DNAH17: variants seen among roughly 807,000 people sequenced by gnomAD.
The protein encoded by DNAH17 is axonemal beta dynein heavy chain 17.
Under a neutral mutation model 485.6 loss-of-function variants are expected in DNAH17, and 376 were observed. The ratio of observed to expected loss-of-function variants is 0.77; its 90% CI spans 0.71 to 0.84. The LOEUF (loss-of-function observed/expected upper bound fraction) is 0.84. DNAH17 is among the 40% of genes least tolerant of loss of function. DNAH17 has a pLI of 0.00. For missense variants in DNAH17, 6,370 were observed against 5,839.3 expected (o/e 1.09, Z -2.96); for synonymous variants, 3,031 against 2,405.9 (o/e 1.26, Z -7.60).
At chr17:78,497,068 T>C (rs1016659849) in intron 37 of DNAH17, 1 of 152,190 alleles carries the variant, frequency 6.6e-6, no homozygotes, top group African/African-American at 2.4e-5. Context: ...CCCTGCTGAG[T>C]TGGGTTCCAC....
chr17:78,446,589 T>G (rs2087312222), intron 69 of DNAH17, among the ~76,000 whole-genome samples: 2 of 152,126 alleles, frequency 1.3e-5, no homozygotes, highest in African/African-American at 4.8e-5. Context: ...GCGGGTCGTT[T>G]TGGCTGTTGT....
Position 78,451,592 on chromosome 17 carries a change from G to C in DNAH17, c.10611C>G (p.His3537Gln). 6.2e-7 allele frequency: 1 copy of C among 1,612,800 alleles called. No individual in the cohort carries two copies. The highest frequency in any genetic ancestry group is 1.3e-5 in the African/African-American group (1 of 74,940). ...ACTGAGCCTGCATCTCTGGCTTGTA[G>C]TGTGGGTTGAAGTACTTGGTGTGTA... ...LILHTKYFNPHYKPEMQAQCT... is the reference protein window; with the variant it reads ...LILHTKYFNPQYKPEMQAQCT... Residue 3537 changes from histidine to glutamine, a missense_variant, in exon 66 of 81, where the codon CAC becomes CAG. His to Gln is a conservative substitution (Grantham distance 24). Transcript: ENST00000389840.
intron 54 of DNAH17, 90 bp from the exon 55 acceptor site, chr17:78,468,973 T>A: frequency 6.8e-7 from 1 of 1,472,792 alleles, no homozygotes; most frequent in Non-Finnish European, 9.0e-7. Flanking sequence ...ACAGGGCCAT[T>A]TTTTCTTTGA....
At chr17:78,481,371 G>A (rs1301662015) in intron 48 of DNAH17, among the ~76,000 whole-genome samples, 1 of 152,044 alleles carries the variant, frequency 6.6e-6, no homozygotes, top group African/African-American at 2.4e-5. Flanking sequence ...CCAAATGCTG[G>A]GATTACTCCA....
chr17:78,525,307 G>C, intron 24 of DNAH17, 146 bp from the exon 25 acceptor site: 1 of 1,260,976 alleles, frequency 7.9e-7, no homozygotes, highest in African/African-American at 1.5e-5. Flanking sequence ...GTCCCACCTG[G>C]AGGGAGGACA....
chr17:78,542,144 CTTT>C (rs375269334), intron 17 of DNAH17, among the ~76,000 whole-genome samples: 95,153 of 130,704 alleles, frequency 0.73, 34,324 homozygotes, highest in Non-Finnish European at 0.75. Context: ...CCCTAAAATA[CTTT>C]TTTTTTTTTT....
In DNAH17 at chr17:78,454,628, G is replaced by C; in HGVS notation, c.10248C>G (p.Asn3416Lys). ...ACATGCGGTCGCTGGGGAGGCCCTG[G>C]TTGTTCCAGGTGGCCACGTCCGCGT... ...TDDADVATWN[N>K]QGLPSDRMST... Residue 3416 changes from asparagine (N) to lysine (K), a missense_variant, in exon 64 of 81, where the codon AAC (asparagine) becomes AAG (lysine). By Grantham distance (94) the Asn-to-Lys change is moderately conservative. Coordinates refer to ENST00000389840, the MANE Select transcript of DNAH17 (RefSeq NM_173628.4). The C allele has an allele frequency of 3.7e-6, 6 of 1,613,126 alleles. No homozygotes were observed. The highest frequency in any genetic ancestry group is 4.2e-6 in the Non-Finnish European group (5 of 1,179,878).
chr17:78,546,840 G>A (rs189757407), intron 16 of DNAH17, among the ~76,000 whole-genome samples: 6 of 152,288 alleles, frequency 3.9e-5, no homozygotes, highest in African/African-American at 1.2e-4. Flanking sequence ...CAGAGGCGGA[G>A]GTTGCAGCAA....
intron 19 of DNAH17, among the ~76,000 whole-genome samples, chr17:78,534,798 GCT>G (rs1004113742): frequency 6.6e-6 from 1 of 152,150 alleles, no homozygotes; most frequent in African/African-American, 2.4e-5. Flanking sequence ...GGGCAGCTCA[GCT>G]CTCTAAATCC....
intron 16 of DNAH17, among the ~76,000 whole-genome samples, chr17:78,548,094 T>C (rs1461420976): frequency 6.6e-6 from 1 of 152,226 alleles, no homozygotes; most frequent in Non-Finnish European, 1.5e-5. Flanking sequence ...TATATTTTAA[T>C]TCTGCTTTTG....
chr17:78,517,218 ATTT>A (rs922261094), intron 25 of DNAH17, among the ~76,000 whole-genome samples: 79 of 152,204 alleles, frequency 5.2e-4, no homozygotes, highest in African/African-American at 1.7e-3. Context: ...TAATTTTTAT[ATTT>A]TTAGTAGAGA....
chr17:78,493,417 C>T (rs2089945276), intron 41 of DNAH17, among the ~76,000 whole-genome samples: 1 of 152,240 alleles, frequency 6.6e-6, no homozygotes, highest in South Asian at 2.1e-4. Context: ...GAAAACTCCC[C>T]ACAATCCTCC....
intron 62 of DNAH17, among the ~76,000 whole-genome samples, chr17:78,457,922 A>G (rs2087889994): frequency 6.6e-6 from 1 of 152,116 alleles, no homozygotes; most frequent in South Asian, 2.1e-4. Context: ...TGGCCTCCCA[A>G]AGTGCTGGGA....
In DNAH17 at chr17:78,569,467, C is replaced by G. The variant is rs2092318618; in HGVS notation, c.1105G>C (p.Val369Leu). Residue 369 changes from valine to leucine, a missense_variant, in exon 8 of 81, where the codon GTC (valine) becomes CTC (leucine). Val to Leu is a conservative substitution (Grantham distance 32). Transcript: ENST00000389840. ...LKGLQGEIEE[V>L]LSGISLAVNV... Reference sequence around the variant, plus strand: ...ACAGCCAGGGAGATGCCACTCAGGACTTCCTCGATTTCACCTTGCAGGCCC... The same window carrying G: ...ACAGCCAGGGAGATGCCACTCAGGAGTTCCTCGATTTCACCTTGCAGGCCC... 1.2e-6 allele frequency: 2 copies of G among 1,611,758 alleles called. No homozygotes were observed. Among genetic ancestry groups the G allele is most frequent in the South Asian group, 1.1e-5 (1 of 90,526 alleles).
Position 78,494,636 on chromosome 17 carries a change from G to T in DNAH17, c.6227C>A (p.Pro2076Gln). 6.2e-7 allele frequency: 1 copy of T among 1,613,890 alleles called. No homozygotes were observed. The highest frequency in any genetic ancestry group is 8.5e-7 in the Non-Finnish European group (1 of 1,179,888). The change falls in exon 40 of 81, where the codon CCG (proline) becomes CAG (glutamine). Residue 2076 changes from proline (P) to glutamine (Q), a missense_variant. Coordinates refer to ENST00000389840, the MANE Select transcript of DNAH17 (RefSeq NM_173628.4). Reference protein sequence around the residue: ...VFMGLIGDLFPALDVPRKRDL... With the variant: ...VFMGLIGDLFQALDVPRKRDL... ...CCGTTTCCGAGGCACGTCCAGAGCCGGGAAGAGGTCCCCGATCAGTCCCAT... is the reference window on the plus strand; with the variant it reads ...CCGTTTCCGAGGCACGTCCAGAGCCTGGAAGAGGTCCCCGATCAGTCCCAT...
intron 37 of DNAH17, chr17:78,497,024 G>C (rs1297694824): frequency 6.6e-6 from 1 of 152,366 alleles, no homozygotes; most frequent in East Asian, 1.9e-4. Context: ...CACCCAGGCT[G>C]TTGCAGGAAC....
At chr17:78,490,406 G>C (rs752939848) in intron 44 of DNAH17, among the ~76,000 whole-genome samples, 9 of 152,148 alleles carry the variant, frequency 5.9e-5, no homozygotes, top group African/African-American at 9.7e-5. Context: ...AATCACCTGG[G>C]AAGACTTCCC....
rs61741555 is a variant in DNAH17, at chr17:78,468,731, G to T, written c.8664C>A (p.Asp2888Glu). 9 of 1,614,028 alleles carry T rather than the reference G, an allele frequency of 5.6e-6. No homozygotes were observed. Among genetic ancestry groups the T allele is most frequent in the Non-Finnish European group, 7.6e-6 (9 of 1,179,900 alleles). ...TGGAGGAGATGATGTTCTCCACCTC[G>T]TCCTCCATAAACAGCCCAGGGATCT... is the stretch of plus-strand genomic sequence containing the variant. ...SGEIPGLFME[D>E]EVENIISSMR... The change falls in exon 55 of 81, where the codon GAC (aspartate) becomes GAA (glutamate). Residue 2888 changes from aspartate (D) to glutamate (E), a missense_variant. By Grantham distance (45) the Asp-to-Glu change is conservative. Transcript: ENST00000389840.
chr17:78,529,516 T>C lies in DNAH17; in HGVS notation c.3463A>G (p.Thr1155Ala), dbSNP rs906274496. The change falls in exon 22 of 81, where the codon ACC becomes GCC. Residue 1155 changes from threonine (T) to alanine (A), a missense_variant. Physicochemically the swap from Thr to Ala is moderately conservative, Grantham distance 58. Coordinates refer to ENST00000389840, the MANE Select transcript of DNAH17 (RefSeq NM_173628.4). ...TCCTCTGGCATCTCCTCCCCGTAGGTCTTGAGCAGCTCGATGGTTTGCTTC... is the reference window on the plus strand; with the variant it reads ...TCCTCTGGCATCTCCTCCCCGTAGGCCTTGAGCAGCTCGATGGTTTGCTTC... Reference protein sequence around the residue: ...PLKQTIELLKTYGEEMPEEIH... With the variant: ...PLKQTIELLKAYGEEMPEEIH... 1 of 1,613,838 alleles carries C rather than the reference T, an allele frequency of 6.2e-7. No homozygotes were observed. The highest frequency in any genetic ancestry group is 8.5e-7 in the Non-Finnish European group (1 of 1,179,866).
Sources: allele counts gnomAD v4.1 joint callset (sites outside exome capture counted in the v4.1 genomes callset), GRCh38; gene constraint gnomAD v4.1.1; transcripts MANE v1.5; gene names NCBI Gene and HGNC (gene_info 2026-07-23, HGNC 2026-07-21).